The following PLEKHG6 variants were observed in gnomAD, a reference collection of about 807,000 sequenced individuals.
PLEKHG6 encodes pleckstrin homology and RhoGEF domain containing G6, also known as pleckstrin homology domain-containing family G member 6.
Under a neutral mutation model 97.5 loss-of-function variants are expected in PLEKHG6, and 91 were observed. The observed-to-expected ratio is 0.93, with a 90% CI of 0.79 to 1.11. The LOEUF (loss-of-function observed/expected upper bound fraction) is 1.11, where lower values mean the gene tolerates loss of function less well. PLEKHG6 is among the 50% of genes most tolerant of loss of function. PLEKHG6 has a pLI of 0.00. For missense variants in PLEKHG6, 1,044 were observed against 1,031.0 expected (o/e 1.01, Z -0.17); for synonymous variants, 466 against 425.5 (o/e 1.10, Z -1.17).
At chr12:6,320,551 CTG>C (rs1241524957) in intron 13 of PLEKHG6, among the ~76,000 whole-genome samples, 1 of 152,190 alleles carries the variant, frequency 6.6e-6, no homozygotes, top group African/African-American at 2.4e-5. Flanking sequence ...CTGTATGTCT[CTG>C]TGTCCAAATT....
At position 6,315,223 on chromosome 12, in the gene PLEKHG6, A is replaced by G; in HGVS notation, c.459+54A>G. The G allele has an allele frequency of 6.5e-7, 1 of 1,538,318 alleles. No homozygotes were observed. The highest frequency in any genetic ancestry group is 8.8e-7 in the Non-Finnish European group (1 of 1,132,650). The stretch of plus-strand genomic sequence containing the variant: ...GTCCCCACGGCGTGAATGCACACAC[A>G]GATTCTGCTCTAGAGGAGGGAAAGG... On this transcript the variant is annotated intron_variant, in intron 4 of 15. Transcript: ENST00000684764. This position sits in a 1 kb window ranked among gnomAD's most constrained non-coding sequence, Gnocchi z 4.5.
intron 1 of PLEKHG6, 68 bp from the exon 2 acceptor site, chr12:6,312,091 T>G: frequency 2.2e-5 from 13 of 581,130 alleles, no homozygotes; most frequent in Non-Finnish European, 1.6e-5. Flanking sequence ...CCTACCAGCC[T>G]TGGTCTCCCG....
chr12:6,319,263 C>A (rs566763320), intron 13 of PLEKHG6, 155 bp downstream of exon 13: 3 of 620,024 alleles, frequency 4.8e-6, no homozygotes, highest in South Asian at 3.9e-5. Context: ...GCCTGGCCAA[C>A]ATGGTGAAAC....
In PLEKHG6 at chr12:6,327,883, G is replaced by C; in HGVS notation, c.2300G>C (p.Arg767Pro). ...GACAGCAGGCCACGGAAGCTGACTC[G>C]GGCCCAGCTGCAGAGGATGCGGGGG... ...PRDSRPRKLT[R>P]AQLQRMRGPH... The change falls in exon 15 of 16, where the codon CGG becomes CCG. Residue 767 changes from arginine (R) to proline (P), a missense_variant. Arg to Pro is a moderately radical substitution (Grantham distance 103, BLOSUM62 -2). Coordinates refer to ENST00000684764, the MANE Select transcript of PLEKHG6 (RefSeq NM_001384598.1). The C allele has an allele frequency of 6.7e-7, 1 of 1,493,020 alleles. No individual in the cohort carries two copies. The highest frequency in any genetic ancestry group is 1.4e-5 in the African/African-American group (1 of 71,242). The allele number at this position is 1,493,020 out of a possible 1,614,324, so 92.5% of individuals were successfully genotyped here.
chr12:6,312,458 T>C, intron 2 of PLEKHG6, 94 bp downstream of exon 2: 4 of 1,371,046 alleles, frequency 2.9e-6, no homozygotes, highest in Non-Finnish European at 3.9e-6. Flanking sequence ...GTTCAGAGGT[T>C]GAGCTATTCC....
At chr12:6,312,538 G>T (rs190323856) in intron 2 of PLEKHG6, 174 bp downstream of exon 2, 17 of 1,123,122 alleles carry the variant, frequency 1.5e-5, no homozygotes, top group Non-Finnish European at 1.9e-5. Flanking sequence ...CAGGCTCCAG[G>T]GATATCACAC....
rs1424820209 is a variant in PLEKHG6, at chr12:6,315,024, A to G, written c.314A>G (p.Glu105Gly). 1.8e-5 allele frequency: 29 copies of G among 1,613,702 alleles called. No homozygotes were observed. The highest frequency in any genetic ancestry group is 2.5e-5 in the Non-Finnish European group (29 of 1,179,984). Residue 105 changes from glutamate (E) to glycine (G), a missense_variant, in exon 4 of 16, where the codon GAG becomes GGG. Physicochemically the swap from Glu to Gly is moderately conservative, Grantham distance 98 (BLOSUM62 -2). Coordinates refer to ENST00000684764, the MANE Select transcript of PLEKHG6 (RefSeq NM_001384598.1). This position sits in a 1 kb window ranked among gnomAD's most constrained non-coding sequence, Gnocchi z 4.5. ...CCCCAGGAACTCACCAAGGCCCATG[A>G]GCTGGAGGTGAGGCTGCACACTTTC... is the stretch of plus-strand genomic sequence containing the variant. ...PKLKELTKAH[E>G]LEVRLHTFSM... is the part of the protein sequence containing the mutation.
intron 13 of PLEKHG6, 110 bp from the exon 14 acceptor site, chr12:6,326,318 A>C: frequency 1.6e-6 from 1 of 621,816 alleles, no homozygotes; most frequent in South Asian, 2.5e-5. Flanking sequence ...AAATAATAAT[A>C]ATAATAAAAT....
chr12:6,317,457 CG>C (rs1947512923), intron 8 of PLEKHG6, 44 bp downstream of exon 8: 13 of 1,609,016 alleles, frequency 8.1e-6, no homozygotes, highest in South Asian at 6.6e-5. Context: ...GCATCTTAGC[CG>C]GCCGGTCTCC....
intron 15 of PLEKHG6, 55 bp from the exon 16 acceptor site, chr12:6,328,081 T>C: frequency 1.2e-6 from 2 of 1,612,106 alleles, no homozygotes; most frequent in East Asian, 4.5e-5. Flanking sequence ...ACTCTTCACC[T>C]GACCCTCACC....
intron 3 of PLEKHG6, among the ~76,000 whole-genome samples, chr12:6,313,989 T>G (rs1488383180): frequency 6.6e-6 from 1 of 152,228 alleles, no homozygotes; most frequent in Admixed American, 6.5e-5. Context: ...TTGAGACACT[T>G]TGATTAAATG....
At chr12:6,317,502 G>C in intron 8 of PLEKHG6, 45 bp from the exon 9 acceptor site, 1 of 1,612,316 alleles carries the variant, frequency 6.2e-7, no homozygotes, top group Non-Finnish European at 8.5e-7. Flanking sequence ...CCACTAGGCA[G>C]GGCAGGAGGG....
rs756660210 is a variant in PLEKHG6 at position 6,312,209 on chromosome 12, T to G, written c.-18T>G. On this transcript the variant is annotated 5_prime_UTR_variant, in exon 2 of 16. An upstream open reading frame in the 5' UTR loses its in-frame stop. Coordinates refer to ENST00000684764, the MANE Select transcript of PLEKHG6 (RefSeq NM_001384598.1). ...CATTGAAGATATGGCCCTTTGGAGG[T>G]GACCCAGGAGAGAAGGGATGAAGGC... The G allele has an allele frequency of 6.8e-7, 1 of 1,465,602 alleles. No individual in the cohort carries two copies. The highest frequency in any genetic ancestry group is 9.0e-7 in the Non-Finnish European group (1 of 1,112,452). 90.8% of individuals were successfully genotyped at this position (1,465,602 alleles called of 1,614,324 possible). A position where few individuals can be genotyped will look rare whatever the true frequency, so the allele number is the denominator to read the frequency against.
Position 6,327,382 on chromosome 12 carries a change from G to A in PLEKHG6, c.1799G>A (p.Gly600Glu), listed in dbSNP as rs761592398. The change falls in exon 15 of 16, where the codon GGG becomes GAG. Residue 600 changes from glycine to glutamate, a missense_variant. By Grantham distance (98) the Gly-to-Glu change is moderately conservative. Transcript: ENST00000684764. ...ACTTTGATCCCAGGCACCCCCACGGGGTCCCGCTCCCCACTGAGCCGTCTA... is the reference window on the plus strand; with the variant it reads ...ACTTTGATCCCAGGCACCCCCACGGAGTCCCGCTCCCCACTGAGCCGTCTA... ...YGTLIPGTPT[G>E]SRSPLSRLRQ... 12 of 1,613,916 alleles carry A rather than the reference G, an allele frequency of 7.4e-6. No homozygotes were observed. The highest frequency in any genetic ancestry group is 6.6e-5 in the South Asian group (6 of 91,080).
At position 6,327,800 on chromosome 12, in the gene PLEKHG6, C is replaced by T; in HGVS notation, c.2217C>T (p.Leu739=). The T allele has an allele frequency of 6.6e-7, 1 of 1,517,972 alleles. No homozygotes were observed. The highest frequency in any genetic ancestry group is 8.8e-7 in the Non-Finnish European group (1 of 1,134,712). The allele number at this position is 1,517,972 out of a possible 1,614,324, so 94.0% of individuals were successfully genotyped here. A position where few individuals can be genotyped will look rare whatever the true frequency, so the allele number is the denominator to read the frequency against. The part of the protein sequence containing the change: ...SLRPMRAEDM[L]REIREELASQ... ...GCCCAATGCGGGCTGAGGACATGCT[C>T]AGAGAGATCCGGGAGGAGCTGGCCA... is the stretch of plus-strand genomic sequence containing the variant. Residue 739 remains leucine (L), a synonymous_variant, in exon 15 of 16, where the codon CTC becomes CTT. Transcript: ENST00000684764.
chr12:6,312,422 G>T lies in PLEKHG6; in HGVS notation c.138+58G>T, dbSNP rs111660818. 2.2e-3 allele frequency: 3,293 copies of T among 1,509,062 alleles called. 5 individuals carry two copies. Among genetic ancestry groups the T allele is most frequent in the Middle Eastern group, 4.5e-3 (22 of 4,836 alleles). 93.5% of individuals were successfully genotyped at this position (1,509,062 alleles called of 1,614,324 possible). On this transcript the variant is annotated intron_variant, in intron 2 of 15. Coordinates refer to ENST00000684764, the MANE Select transcript of PLEKHG6 (RefSeq NM_001384598.1). ...GTGGGGCAGGAGGGAAGACACCTAG[G>T]CTGTGGAGTCTCTGTCCCCTTACAG... is the stretch of plus-strand genomic sequence containing the variant.
At chr12:6,325,845 A>G (rs1592036551) in intron 13 of PLEKHG6, among the ~76,000 whole-genome samples, 1 of 151,332 alleles carries the variant, frequency 6.6e-6, no homozygotes, top group Non-Finnish European at 1.5e-5. Flanking sequence ...CACCCCACTC[A>G]CCCCCAACAC....
rs552296986 is a variant in PLEKHG6 at position 6,316,435 on chromosome 12, G to C, written c.756+31G>C. The C allele has an allele frequency of 3.2e-6, 5 of 1,544,590 alleles. No homozygotes were observed. Among genetic ancestry groups the C allele is most frequent in the South Asian group, 2.4e-5 (2 of 83,124 alleles). Reference sequence around the variant, plus strand: ...GCCTGTGAAGGGCTGTGTCTGGATGGGGCAGGACTCGGAGCCCTCGGGGGT... The same window carrying C: ...GCCTGTGAAGGGCTGTGTCTGGATGCGGCAGGACTCGGAGCCCTCGGGGGT... On this transcript the variant is annotated intron_variant, in intron 7 of 15. Transcript: ENST00000684764. The surrounding 1 kb of genome is among the most constrained non-coding windows in gnomAD (Gnocchi z 4.1).
At position 6,318,826 on chromosome 12, in the gene PLEKHG6, C is replaced by T. The variant is rs1054621281; in HGVS notation, c.1357C>T (p.Arg453Ter). 11 of 1,614,094 alleles carry T rather than the reference C, an allele frequency of 6.8e-6. No homozygotes were observed. Among genetic ancestry groups the T allele is most frequent in the South Asian group, 1.1e-5 (1 of 91,086 alleles). ...QRKADKAKVI[R>*]PPLMLEKLVC... ...CAAGGCGGACAAAGCCAAGGTCATCCGACCCCCTCTCATGCTGGAGAAGCT... is the reference window on the plus strand; with the variant it reads ...CAAGGCGGACAAAGCCAAGGTCATCTGACCCCCTCTCATGCTGGAGAAGCT... The change falls in exon 12 of 16, where the codon CGA becomes TGA. Residue 453 changes from arginine to a stop codon, truncating the protein, a stop_gained. Transcript: ENST00000684764. LOFTEE classifies it high-confidence loss of function.
Sources: gnomAD v4.1 joint callset for allele counts (sites outside exome capture counted in the v4.1 genomes callset) on GRCh38, gnomAD v4.1.1 for gene constraint, Gnocchi (gnomAD v3.1) non-coding constraint, MANE v1.5 for transcripts, NCBI Gene and HGNC (gene_info 2026-07-23, HGNC 2026-07-21) for gene names.